The following CHCHD2 variants were observed in gnomAD, a reference collection of about 807,000 sequenced individuals.
The protein encoded by CHCHD2 is coiled-coil-helix-coiled-coil-helix domain-containing protein 2.
CHCHD2 carries 17 observed loss-of-function variants against 17.5 expected under a neutral mutation model. That is an observed-to-expected ratio of 0.97 (90% CI 0.67 to 1.46). The LOEUF (loss-of-function observed/expected upper bound fraction) is 1.46. CHCHD2 is among the 40% of genes most tolerant of loss of function. CHCHD2 has a pLI of 0.00. For missense variants in CHCHD2, 175 were observed against 199.9 expected, an observed-to-expected ratio of 0.88 and a Z score of 0.75; for synonymous variants, 63 against 74.3, an observed-to-expected ratio of 0.85 and a Z score of 0.78.
intron 2 of CHCHD2, 147 bp from the exon 3 acceptor site, chr7:56,103,158 T>C: frequency 1.3e-6 from 1 of 767,550 alleles, no homozygotes; most frequent in Non-Finnish European, 2.1e-6. Flanking sequence ...ACATGGGAAG[T>C]GAAAACATTT....
chr7:56,105,029 G>A (rs543092692), intron 1 of CHCHD2, among the ~76,000 whole-genome samples: 2 of 151,136 alleles, frequency 1.3e-5, no homozygotes, highest in African/African-American at 2.4e-5. Flanking sequence ...TTCTGCCTCC[G>A]CTTCCCAAGT....
intron 1 of CHCHD2, 127 bp downstream of exon 1, chr7:56,106,237 C>T: frequency 1.3e-6 from 1 of 778,982 alleles, no homozygotes; most frequent in Non-Finnish European, 2.1e-6. Flanking sequence ...TCTACCCCCG[C>T]CTGGCAGAGG....
rs202040396 is a variant in CHCHD2 at position 56,102,958 on chromosome 7, G to C, written c.354C>G (p.Ile118Met). 34 of 1,614,164 alleles carry C rather than the reference G, an allele frequency of 2.1e-5. No individual in the cohort carries two copies. Among genetic ancestry groups the C allele is most frequent in the African/African-American group, 2.7e-5 (2 of 75,058 alleles). Reference protein sequence around the residue: ...AQQQQPCLYEIKQFLECAQNQ... With the variant: ...AQQQQPCLYEMKQFLECAQNQ... ...TCTGGGCACACTCCAGAAACTGTTT[G>C]ATCTCATAGAGGCAAGGCTGCTGCT... The change falls in exon 3 of 4, where the codon ATC becomes ATG. Residue 118 changes from isoleucine to methionine, a missense_variant. Physicochemically the swap from Ile to Met is conservative, Grantham distance 10 (BLOSUM62 1). Coordinates refer to ENST00000395422, the MANE Select transcript of CHCHD2 (RefSeq NM_016139.4).
At chr7:56,104,504 T>C in intron 1 of CHCHD2, 29 bp from the exon 2 acceptor site, 1 of 1,514,422 alleles carries the variant, frequency 6.6e-7, no homozygotes, top group Non-Finnish European at 8.9e-7. Context: ...AAACATCAAG[T>C]TCCCAATTCC....
intron 2 of CHCHD2, 24 bp from the exon 3 acceptor site, chr7:56,103,035 T>G: frequency 6.2e-7 from 1 of 1,613,868 alleles, no homozygotes; most frequent in Non-Finnish European, 8.5e-7. Flanking sequence ...ACATTCAACA[T>G]TGCTGAGAAA....
intron 3 of CHCHD2, among the ~76,000 whole-genome samples, chr7:56,102,167 C>T (rs978654858): frequency 6.6e-6 from 1 of 151,990 alleles, no homozygotes; most frequent in Non-Finnish European, 1.5e-5. Flanking sequence ...CTCCGGAGTT[C>T]CCCTGAGGAA....
chr7:56,103,081 C>G, intron 2 of CHCHD2, 70 bp from the exon 3 acceptor site: 1 of 1,531,100 alleles, frequency 6.5e-7, no homozygotes, highest in South Asian at 1.1e-5. Flanking sequence ...TGAAGAGTAT[C>G]CATCCTCTTT....
At chr7:56,104,089 G>T in intron 2 of CHCHD2, 137 bp downstream of exon 2, 3 of 1,166,414 alleles carry the variant, frequency 2.6e-6, no homozygotes, top group Non-Finnish European at 3.8e-6. Context: ...GCCAAATGTG[G>T]CTTTAAAACC....
chr7:56,101,973 G>GT (rs1432630610), intron 3 of CHCHD2, 112 bp from the exon 4 acceptor site: 5 of 1,050,888 alleles, frequency 4.8e-6, no homozygotes, highest in African/African-American at 1.6e-5. Context: ...TGGGTTTTTT[G>GT]TTTTTTGTTT....
At chr7:56,102,283 TTAAGG>T (rs1185860409) in intron 3 of CHCHD2, among the ~76,000 whole-genome samples, 1 of 152,168 alleles carries the variant, frequency 6.6e-6, no homozygotes, top group Non-Finnish European at 1.5e-5. Context: ...ATTCGCAGCC[TTAAGG>T]TTAGAAGGTC....
chr7:56,102,567 C>T, intron 3 of CHCHD2: 1 of 262,286 alleles, frequency 3.8e-6, no homozygotes, highest in Non-Finnish European at 7.4e-6. Flanking sequence ...GGGGTTTTGC[C>T]ATGTTGGCCA....
chr7:56,106,393 G>A lies in CHCHD2; in HGVS notation c.21C>T (p.Ser7=). MPRGSR[S]RTSRMAPPAS... ...CCGGAGGGGCCATGCGGGAGGTGCG[G>A]CTTCGGCTTCCACGCGGCATCCTAG... Residue 7 remains serine, a synonymous_variant, in exon 1 of 4, where the codon AGC becomes AGT. Coordinates refer to ENST00000395422, the MANE Select transcript of CHCHD2 (RefSeq NM_016139.4). 1.2e-6 allele frequency: 2 copies of A among 1,613,562 alleles called. No homozygotes were observed. Among genetic ancestry groups the A allele is most frequent in the Middle Eastern group, 1.7e-4 (1 of 6,054 alleles).
chr7:56,102,568 A>G, intron 3 of CHCHD2: 2 of 269,172 alleles, frequency 7.4e-6, no homozygotes, highest in Non-Finnish European at 1.4e-5. Context: ...GGGTTTTGCC[A>G]TGTTGGCCAG....
In CHCHD2 at chr7:56,101,865, C is replaced by A; in HGVS notation, c.446-4G>T. ...GAACTTCTTCATTAGGCCAATCCTG[C>A]AAACAGAAAAGATTAAGTTAGAAGA... On this transcript the variant is annotated splice_region_variant and splice_polypyrimidine_tract_variant and intron_variant, in intron 3 of 3. Transcript: ENST00000395422. 6.2e-7 allele frequency: 1 copy of A among 1,612,784 alleles called. No individual in the cohort carries two copies. Among genetic ancestry groups the A allele is most frequent in the East Asian group, 2.2e-5 (1 of 44,852 alleles).
rs773514243 is a variant in CHCHD2 at position 56,104,492 on chromosome 7, A to G, written c.51-17T>C. 6.5e-7 allele frequency: 1 copy of G among 1,533,918 alleles called. No individual in the cohort carries two copies. Among genetic ancestry groups the G allele is most frequent in the South Asian group, 1.2e-5 (1 of 82,338 alleles). On this transcript the variant is annotated splice_polypyrimidine_tract_variant and intron_variant, in intron 1 of 3. Transcript: ENST00000395422. ...GGGGCCCGGCTGTGAAAGAAAAGAA[A>G]AAAACATCAAGTTCCCAATTCCAAC...
At chr7:56,106,334 C>A (rs1785383762) in intron 1 of CHCHD2, 30 bp downstream of exon 1, 1 of 1,609,158 alleles carries the variant, frequency 6.2e-7, no homozygotes, top group Admixed American at 1.7e-5. Context: ...GACGGCCGCG[C>A]TTTGGTCTCA....
chr7:56,101,609 A>C lies in CHCHD2; in HGVS notation c.*242T>G, dbSNP rs749565279. The C allele has an allele frequency of 5.9e-5, 27 of 458,606 alleles. No homozygotes were observed. The highest frequency in any genetic ancestry group is 5.6e-5 in the Non-Finnish European group (14 of 252,250). 28.4% of individuals were successfully genotyped at this position (458,606 alleles called of 1,614,324 possible). ...TGACTTTATTCTAATTAACTCACAA[A>C]GAATAAAATCATAACATAACAGCTA... On this transcript the variant is annotated 3_prime_UTR_variant, in exon 4 of 4. Transcript: ENST00000395422.
At chr7:56,103,294 AT>A (rs1428747854) in intron 2 of CHCHD2, among the ~76,000 whole-genome samples, 4 of 152,304 alleles carry the variant, frequency 2.6e-5, no homozygotes, top group South Asian at 4.1e-4. Flanking sequence ...AGCCTGGCCA[AT>A]ATGGTGAAAC....
At chr7:56,101,952 G>A in intron 3 of CHCHD2, 91 bp from the exon 4 acceptor site, 5 of 1,265,164 alleles carry the variant, frequency 4.0e-6, no homozygotes, top group Non-Finnish European at 5.6e-6. Flanking sequence ...AGCGACAAAA[G>A]GCCAAGGCTA....
Sources: gnomAD v4.1 joint callset for allele counts (sites outside exome capture counted in the v4.1 genomes callset) on GRCh38, gnomAD v4.1.1 for gene constraint, MANE v1.5 for transcripts, NCBI Gene and HGNC (gene_info 2026-07-23, HGNC 2026-07-21) for gene names.